Variants in PLXNA2 observed in about 807,000 individuals in gnomAD.
PLXNA2 encodes plexin-A2.
In PLXNA2, 91 loss-of-function variants were observed where a neutral mutation model predicts 193.5. The ratio of observed to expected loss-of-function variants is 0.47; its 90% confidence interval spans 0.40 to 0.56. PLXNA2 has a LOEUF of 0.56. Among genes scored for constraint, PLXNA2 ranks in the 20% least tolerant of loss-of-function variants. PLXNA2 has a pLI of 0.00. For missense variants in PLXNA2, 1,995 were observed against 2,503.2 expected (o/e 0.80, Z 4.33); for synonymous variants, 997 against 1,027.3 (o/e 0.97, Z 0.56).
intron 31 of PLXNA2, among the ~76,000 whole-genome samples, chr1:208,027,708 G>A (rs961899395): frequency 2.0e-5 from 3 of 152,140 alleles, no homozygotes; most frequent in African/African-American, 4.8e-5. Flanking sequence ...GGATCTGCCC[G>A]AATGCAAAGA....
At chr1:208,192,605 G>A (rs955305232) in intron 3 of PLXNA2, among the ~76,000 whole-genome samples, 1 of 152,154 alleles carries the variant, frequency 6.6e-6, no homozygotes, top group Non-Finnish European at 1.5e-5. Context: ...CCATTAGACA[G>A]GCCAGGTGCA....
chr1:208,059,391 C>T (rs1291625024), intron 13 of PLXNA2, among the ~76,000 whole-genome samples: 1 of 152,210 alleles, frequency 6.6e-6, no homozygotes, highest in Non-Finnish European at 1.5e-5. Context: ...TCTGAGAGAT[C>T]AGGCCAGCTC....
intron 24 of PLXNA2, 40 bp from the exon 25 acceptor site, chr1:208,039,024 AAGG>A: frequency 6.3e-7 from 1 of 1,591,140 alleles, no homozygotes. Context: ...ACAGGAGTTG[AAGG>A]AGTAGTTTGA....
intron 4 of PLXNA2, among the ~76,000 whole-genome samples, chr1:208,121,444 C>T (rs1011552018): frequency 6.6e-6 from 1 of 152,170 alleles, no homozygotes; most frequent in African/African-American, 2.4e-5. Context: ...GAATTGTAAT[C>T]AAAGGCAGGA....
chr1:208,032,518 G>A (rs1450164073), intron 28 of PLXNA2, among the ~76,000 whole-genome samples: 1 of 152,238 alleles, frequency 6.6e-6, no homozygotes, highest in African/African-American at 2.4e-5. Context: ...GCAAGTGTGA[G>A]AGCTGTAAGT....
At chr1:208,105,988 G>A (rs1383952918) in intron 4 of PLXNA2, among the ~76,000 whole-genome samples, 7 of 152,090 alleles carry the variant, frequency 4.6e-5, no homozygotes, top group East Asian at 3.9e-4. Context: ...CAAGTGCCAC[G>A]GAGATAGTGA....
Position 208,236,400 on chromosome 1 carries a change from CCT to C in PLXNA2, c.-81+7241_-81+7242del, listed in dbSNP as rs1455360194. The stretch of plus-strand genomic sequence containing the variant: ...AAACCACTTCAAAGCAGCAACATCC[CCT>C]CTTGCCACTTCTGTCTGCCCGCTGG... On this transcript the variant is annotated intron_variant, in intron 1 of 31. Coordinates refer to ENST00000367033, the MANE Select transcript of PLXNA2 (RefSeq NM_025179.4). This position sits in a 1 kb window ranked among gnomAD's most constrained non-coding sequence, Gnocchi z 4.4. Among the ~76,000 whole-genome samples, 1 of 152,148 alleles carries C rather than the reference CCT, an allele frequency of 6.6e-6. No homozygotes were observed. Among genetic ancestry groups the C allele is most frequent in the African/African-American group, 2.4e-5 (1 of 41,422 alleles).
chr1:208,043,852 G>A lies in PLXNA2; in HGVS notation c.3875-649C>T, dbSNP rs142524812. On this transcript the variant is annotated intron_variant, in intron 20 of 31. Coordinates refer to ENST00000367033, the MANE Select transcript of PLXNA2 (RefSeq NM_025179.4). ...CTGATCTTGACATTTGCAGCAAAAG[G>A]AGAAATGTTTTCATTCCTAATTGAG... Among the ~76,000 whole-genome samples the A allele has an allele frequency of 3.3e-3, 503 of 152,338 alleles. 5 individuals are homozygous for A. The highest frequency in any genetic ancestry group is 4.6e-3 in the East Asian group (24 of 5,196).
chr1:208,157,824 G>C (rs1370464685), intron 3 of PLXNA2, among the ~76,000 whole-genome samples: 1 of 152,210 alleles, frequency 6.6e-6, no homozygotes, highest in Admixed American at 6.5e-5. Flanking sequence ...AAGAATGAAT[G>C]AATAAATTAA....
intron 1 of PLXNA2, among the ~76,000 whole-genome samples, chr1:208,238,831 G>A (rs997417914): frequency 2.6e-5 from 4 of 152,198 alleles, no homozygotes; most frequent in Admixed American, 6.5e-5. Context: ...AAGGCCCCTC[G>A]GGGTTGGGTC....
At chr1:208,168,489 C>A (rs2102526254) in intron 3 of PLXNA2, among the ~76,000 whole-genome samples, 1 of 152,242 alleles carries the variant, frequency 6.6e-6, no homozygotes, top group African/African-American at 2.4e-5. Context: ...GATATTCCAT[C>A]TCTTATTCAA....
At chr1:208,192,309 T>G (rs1572016217) in intron 3 of PLXNA2, among the ~76,000 whole-genome samples, 1 of 111,436 alleles carries the variant, frequency 9.0e-6, no homozygotes, top group Non-Finnish European at 1.7e-5. Context: ...TTGGGGATGG[T>G]GTGTGTGTGT....
chr1:208,192,397 C>G lies in PLXNA2; in HGVS notation c.1371+17883G>C, dbSNP rs1039020008. On this transcript the variant is annotated intron_variant, in intron 3 of 31. Coordinates refer to ENST00000367033, the MANE Select transcript of PLXNA2 (RefSeq NM_025179.4). Reference sequence around the variant, plus strand: ...TATGCCTATTACCCAGGGTACATAACATGTGATGATCAAACAGACCTAAAA... The same window carrying G: ...TATGCCTATTACCCAGGGTACATAAGATGTGATGATCAAACAGACCTAAAA... Among the ~76,000 whole-genome samples the G allele has an allele frequency of 5.9e-5, 9 of 152,014 alleles. No homozygotes were observed. The South Asian group carries it at 1.5e-3, about 25-fold the overall frequency.
chr1:208,086,532 A>C (rs1165427599), intron 9 of PLXNA2, among the ~76,000 whole-genome samples: 2 of 152,082 alleles, frequency 1.3e-5, no homozygotes, highest in African/African-American at 4.8e-5. Flanking sequence ...GAAATTCTGC[A>C]CAGAAACCCA....
At chr1:208,042,476 T>G (rs1198565776) in intron 21 of PLXNA2, 110 bp from the exon 22 acceptor site, 2 of 1,207,174 alleles carry the variant, frequency 1.7e-6, no homozygotes, top group African/African-American at 3.0e-5. Context: ...TAGGACCCTA[T>G]GTTTGAGGCC....
rs541253245 is a variant in PLXNA2, at chr1:208,120,989, G to A, written c.1507-17742C>T. 3.3e-5 allele frequency among the ~76,000 whole-genome samples: 5 copies of A among 152,252 alleles called. No homozygotes were observed. In the South Asian group the frequency reaches 6.2e-4, roughly 19 times the overall value. On this transcript the variant is annotated intron_variant, in intron 4 of 31. Coordinates refer to ENST00000367033, the MANE Select transcript of PLXNA2 (RefSeq NM_025179.4). ...GCTATGGGTGTGCACTGGGGCCAGC[G>A]AAGGACACAATATGGGATGTCACCC... is the stretch of plus-strand genomic sequence containing the variant.
Position 208,217,720 on chromosome 1 carries a change from T to C in PLXNA2, c.203A>G (p.Asn68Ser). Residue 68 changes from asparagine to serine, a missense_variant, in exon 2 of 32, where the codon AAC becomes AGC. Asn to Ser is a conservative substitution (Grantham distance 46, BLOSUM62 1). Transcript: ENST00000367033. This position sits in a 1 kb window ranked among gnomAD's most constrained non-coding sequence, Gnocchi z 4.7. ...GTGAVYVGAI[N>S]RVYKLTGNLT... The stretch of plus-strand genomic sequence containing the variant: ...GTTGCCTGTCAGCTTATAGACCCGG[T>C]TGATGGCCCCCACATAGACGGCCCC... The C allele has an allele frequency of 6.2e-7, 1 of 1,614,144 alleles. No homozygotes were observed. Among genetic ancestry groups the C allele is most frequent in the Non-Finnish European group, 8.5e-7 (1 of 1,180,014 alleles).
chr1:208,133,017 C>T (rs1668204226), intron 4 of PLXNA2, among the ~76,000 whole-genome samples: 1 of 152,186 alleles, frequency 6.6e-6, no homozygotes, highest in South Asian at 2.1e-4. Flanking sequence ...TCTCCACATT[C>T]GGCTTGGTAT....
At chr1:208,131,341 T>C (rs529388621) in intron 4 of PLXNA2, among the ~76,000 whole-genome samples, 2 of 152,246 alleles carry the variant, frequency 1.3e-5, no homozygotes, top group Non-Finnish European at 2.9e-5. Context: ...GCTCCTCTGA[T>C]GTTGCCATCT....
Sources: gnomAD v4.1 joint callset for allele counts (sites outside exome capture counted in the v4.1 genomes callset) on GRCh38, gnomAD v4.1.1 for gene constraint, Gnocchi (gnomAD v3.1) non-coding constraint, MANE v1.5 for transcripts, NCBI Gene and HGNC (gene_info 2026-07-23, HGNC 2026-07-21) for gene names.